NRXN3: variants seen among roughly 807,000 people sequenced by gnomAD.
NRXN3 encodes neurexin III.
In NRXN3, 32 loss-of-function variants were observed where a neutral mutation model predicts 137.6. That is an observed-to-expected ratio of 0.23 (90% CI 0.18 to 0.31). The LOEUF (loss-of-function observed/expected upper bound fraction) is 0.31, where lower values mean the gene tolerates loss of function less well. Ranked by LOEUF, NRXN3 falls within the 10% of genes least tolerant of loss-of-function variation. NRXN3 has a pLI of 1.00. For missense variants in NRXN3, 1,574 were observed against 2,062.5 expected (o/e 0.76, Z 4.59); for synonymous variants, 798 against 784.5 (o/e 1.02, Z -0.29).
At chr14:79,716,984 T>C (rs1318861175) in intron 19 of NRXN3, among the ~76,000 whole-genome samples, 1 of 152,218 alleles carries the variant, frequency 6.6e-6, no homozygotes, top group South Asian at 2.1e-4. Context: ...CACTCTTTAA[T>C]GGCAGGGAGC....
chr14:78,387,904 C>T (rs1321604212), intron 4 of NRXN3, among the ~76,000 whole-genome samples: 2 of 152,188 alleles, frequency 1.3e-5, no homozygotes, highest in Non-Finnish European at 2.9e-5. Context: ...CATTCTTGGA[C>T]CACATGGTGG....
chr14:78,551,443 G>A lies in NRXN3; in HGVS notation c.758-93677G>A, dbSNP rs150244159. 1.1e-3 allele frequency among the ~76,000 whole-genome samples: 175 copies of A among 152,176 alleles called. 1 individual carries two copies. Among genetic ancestry groups the A allele is most frequent in the African/African-American group, 3.7e-3 (155 of 41,512 alleles). On this transcript the variant is annotated intron_variant, in intron 4 of 20. Transcript: ENST00000335750. ...TTTTGTAGACTATACTGAACATTTA[G>A]TGACTCCCAGGGAGGATCATTTTAA...
At chr14:79,644,102 A>C (rs1422467737) in intron 16 of NRXN3, among the ~76,000 whole-genome samples, 1 of 135,514 alleles carries the variant, frequency 7.4e-6, no homozygotes, top group Non-Finnish European at 1.7e-5. Context: ...ATCCAAATCA[A>C]CCCAATGCCC....
chr14:78,957,348 T>C lies in NRXN3; in HGVS notation c.2382T>C (p.Asp794=). Reference sequence around the variant, plus strand: ...AAAGCCTTAAGTTAACCGTGGATGATGATGTGGCTGAGGGTGAGTATGACT... The same window carrying C: ...AAAGCCTTAAGTTAACCGTGGATGACGATGTGGCTGAGGGTGAGTATGACT... The part of the protein sequence containing the change: ...RGKSLKLTVD[D]DVAEGTMVGD... Residue 794 remains aspartate (D), a synonymous_variant, in exon 11 of 21, where the codon GAT becomes GAC. Transcript: ENST00000335750. 1 of 1,614,054 alleles carries C rather than the reference T, an allele frequency of 6.2e-7. No homozygotes were observed. Among genetic ancestry groups the C allele is most frequent in the Non-Finnish European group, 8.5e-7 (1 of 1,179,980 alleles).
chr14:78,522,691 A>G lies in NRXN3; in HGVS notation c.758-122429A>G, dbSNP rs373526970. 3.3e-5 allele frequency among the ~76,000 whole-genome samples: 5 copies of G among 152,300 alleles called. No homozygotes were observed. The South Asian group carries it at 6.2e-4, about 19-fold the overall frequency. On this transcript the variant is annotated intron_variant, in intron 4 of 20. Transcript: ENST00000335750. ...ACATATCTAGGTCTGATAAATCAGA[A>G]TAGCCTATTCTTCTGTCCACAGCTA...
intron 2 of NRXN3, among the ~76,000 whole-genome samples, chr14:78,265,571 T>C (rs954401804): frequency 3.3e-5 from 5 of 152,204 alleles, no homozygotes; most frequent in African/African-American, 4.8e-5. Context: ...TTCAATGAAC[T>C]AGTGACTTTT....
chr14:78,647,776 G>A (rs2097701576), intron 5 of NRXN3, among the ~76,000 whole-genome samples: 1 of 152,096 alleles, frequency 6.6e-6, no homozygotes, highest in Non-Finnish European at 1.5e-5. Flanking sequence ...ATTTTAATGT[G>A]AATAATATAA....
chr14:79,731,135 T>A (rs2098920849), intron 19 of NRXN3, among the ~76,000 whole-genome samples: 1 of 152,176 alleles, frequency 6.6e-6, no homozygotes, highest in Non-Finnish European at 1.5e-5. Flanking sequence ...AGATCTCAAC[T>A]CAACTGTGCA....
chr14:79,831,766 A>C (rs749298415), intron 20 of NRXN3, among the ~76,000 whole-genome samples: 2 of 152,128 alleles, frequency 1.3e-5, no homozygotes, highest in Non-Finnish European at 2.9e-5. Context: ...GCCGACAACA[A>C]CCAGATTGCA....
At chr14:79,400,267 C>T (rs909950573) in intron 15 of NRXN3, among the ~76,000 whole-genome samples, 4 of 152,142 alleles carry the variant, frequency 2.6e-5, no homozygotes, top group Non-Finnish European at 5.9e-5. Flanking sequence ...TCAGAGGAGG[C>T]TCAGTGTCCA....
At chr14:78,403,652 G>A (rs2092274071) in intron 4 of NRXN3, 1 of 932,170 alleles carries the variant, frequency 1.1e-6, no homozygotes, top group Non-Finnish European at 1.3e-6. Flanking sequence ...GGGTGAGAGA[G>A]TTGCAAAATC....
intron 4 of NRXN3, among the ~76,000 whole-genome samples, chr14:78,434,685 T>C (rs2094001957): frequency 2.0e-5 from 3 of 152,168 alleles, no homozygotes; most frequent in Non-Finnish European, 2.9e-5. Flanking sequence ...TGAGTCAGGA[T>C]ACCTGCTCAG....
intron 16 of NRXN3, among the ~76,000 whole-genome samples, chr14:79,589,177 C>G (rs2097783640): frequency 6.6e-6 from 1 of 152,096 alleles, no homozygotes; most frequent in Non-Finnish European, 1.5e-5. Flanking sequence ...ATTGCTTGAG[C>G]CTGGGAGGTT....
rs140990352 is a variant in NRXN3, at chr14:78,975,573, C to G, written c.3142+7227C>G. On this transcript the variant is annotated intron_variant, in intron 14 of 20. Transcript: ENST00000335750. ...GGATTTTCATTTTATCAGGATCACT[C>G]TGACACTAGAATGGAGAAAGGATGA... is the stretch of plus-strand genomic sequence containing the variant. Among the ~76,000 whole-genome samples the G allele has an allele frequency of 1.8e-4, 28 of 152,202 alleles. No individual in the cohort carries two copies. In the East Asian group the frequency reaches 5.0e-3, roughly 27 times the overall value.
chr14:78,491,702 C>G (rs1174631861), intron 4 of NRXN3, among the ~76,000 whole-genome samples: 3 of 152,060 alleles, frequency 2.0e-5, no homozygotes, highest in Non-Finnish European at 2.9e-5. Context: ...TAGAGAACCC[C>G]AGCTCCCCAC....
At chr14:79,347,263 A>T (rs2092932615) in intron 15 of NRXN3, among the ~76,000 whole-genome samples, 1 of 152,106 alleles carries the variant, frequency 6.6e-6, no homozygotes, top group African/African-American at 2.4e-5. Flanking sequence ...TTTAAAAATT[A>T]AATAAAAACT....
Position 79,036,188 on chromosome 14 carries a change from A to G in NRXN3, c.3262+48047A>G, listed in dbSNP as rs141001146. ...ATTCAGAACTCAGTTGGTTGTTTAT[A>G]TGGTATTCAGCAAGATACTTCCCCC... On this transcript the variant is annotated intron_variant, in intron 15 of 20. Coordinates refer to ENST00000335750, the MANE Select transcript of NRXN3 (RefSeq NM_001330195.2). Among the ~76,000 whole-genome samples, 37 of 152,158 alleles carry G rather than the reference A, an allele frequency of 2.4e-4. No homozygotes were observed. In the East Asian group the frequency reaches 6.6e-3, roughly 27 times the overall value.
intron 4 of NRXN3, among the ~76,000 whole-genome samples, chr14:78,581,545 T>C (rs2096996883): frequency 6.6e-6 from 1 of 152,234 alleles, no homozygotes; most frequent in Non-Finnish European, 1.5e-5. Context: ...GGTGATTAAG[T>C]TTCAACACAT....
intron 19 of NRXN3, among the ~76,000 whole-genome samples, chr14:79,748,490 TC>T (rs2154085632): frequency 6.6e-6 from 1 of 152,222 alleles, no homozygotes; most frequent in East Asian, 1.9e-4. Context: ...CTCACCTCCA[TC>T]CTTTTGGTCA....
Sources: gnomAD v4.1 joint callset for allele counts (sites outside exome capture counted in the v4.1 genomes callset) on GRCh38, gnomAD v4.1.1 for gene constraint, MANE v1.5 for transcripts, NCBI Gene and HGNC (gene_info 2026-07-23, HGNC 2026-07-21) for gene names.